Variants in DNAH9 observed in about 807,000 individuals in gnomAD.
DNAH9 encodes the protein dynein axonemal heavy chain 9.
In DNAH9, 345 loss-of-function variants were observed where a neutral mutation model predicts 471.6. The ratio of observed to expected loss-of-function variants is 0.73; its 90% CI spans 0.67 to 0.80. The LOEUF is 0.80. Ranked by LOEUF, DNAH9 falls within the 30% of genes least tolerant of loss-of-function variation. The probability of loss-of-function intolerance (pLI) is 0.00; values close to 1 mark genes in which losing one functional copy is unlikely to be tolerated. For missense variants in DNAH9, 5,407 were observed against 5,609.2 expected (o/e 0.96, Z 1.15); for synonymous variants, 2,093 against 2,123.6 (o/e 0.99, Z 0.40).
intron 67 of DNAH9, among the ~76,000 whole-genome samples, chr17:11,949,268 G>A (rs1975266367): frequency 6.6e-6 from 1 of 152,172 alleles, no homozygotes; most frequent in Non-Finnish European, 1.5e-5. Flanking sequence ...GAGTTTCATT[G>A]CAATGCCAAA....
intron 12 of DNAH9, among the ~76,000 whole-genome samples, chr17:11,648,095 G>A (rs1567689107): frequency 1.3e-5 from 2 of 152,264 alleles, no homozygotes; most frequent in Middle Eastern, 6.8e-3. Context: ...AAGGTTAGTT[G>A]GTTTCAAAAA....
At position 11,657,635 on chromosome 17, in the gene DNAH9, T is replaced by C. The variant is rs78742992; in HGVS notation, c.2595+4633T>C. ...CTATTTACTCCAAAGATTGCAAAGA[T>C]ATCTTTTATTTTTTTTCTTTTAGAA... is the stretch of plus-strand genomic sequence containing the variant. On this transcript the variant is annotated intron_variant, in intron 14 of 68. Transcript: ENST00000262442. 1.6e-4 allele frequency among the ~76,000 whole-genome samples: 25 copies of C among 152,174 alleles called. No homozygotes were observed. The East Asian group carries it at 4.6e-3, about 28-fold the overall frequency.
At chr17:11,887,996 T>TG (rs976306788) in intron 57 of DNAH9, among the ~76,000 whole-genome samples, 1 of 151,824 alleles carries the variant, frequency 6.6e-6, no homozygotes, top group Non-Finnish European at 1.5e-5. Context: ...TTGTTTTTTT[T>TG]TTTTGAGAGG....
chr17:11,889,438 C>T (rs2151002553), intron 57 of DNAH9, among the ~76,000 whole-genome samples: 1 of 152,320 alleles, frequency 6.6e-6, no homozygotes, highest in South Asian at 2.1e-4. Flanking sequence ...ATTGACAACA[C>T]TGAGCTCACA....
intron 58 of DNAH9, 36 bp from the exon 59 acceptor site, chr17:11,894,338 G>A (rs377621647): frequency 7.2e-5 from 116 of 1,608,686 alleles, no homozygotes; most frequent in Non-Finnish European, 9.1e-5. Flanking sequence ...CTGGCTACAA[G>A]CTAAAGAAAT....
At chr17:11,829,727 C>A (rs951620686) in intron 48 of DNAH9, among the ~76,000 whole-genome samples, 1 of 152,182 alleles carries the variant, frequency 6.6e-6, no homozygotes, top group Admixed American at 6.6e-5. Flanking sequence ...CCCGCCTGGG[C>A]CTTCCAAAGT....
intron 10 of DNAH9, among the ~76,000 whole-genome samples, chr17:11,644,381 C>G (rs183768024): frequency 6.6e-6 from 1 of 152,058 alleles, no homozygotes; most frequent in African/African-American, 2.4e-5. Flanking sequence ...GGTGAGGGTG[C>G]TGGTGGAGCT....
At position 11,652,797 on chromosome 17, in the gene DNAH9, T is replaced by C; in HGVS notation, c.2390T>C (p.Ile797Thr). 3 of 1,613,702 alleles carry C rather than the reference T, an allele frequency of 1.9e-6. No homozygotes were observed. The highest frequency in any genetic ancestry group is 2.2e-5 in the South Asian group (2 of 91,062). The change falls in exon 14 of 69, where the codon ATT becomes ACT. Residue 797 changes from isoleucine (I) to threonine (T), a missense_variant. This residue lies in a region of DNAH9 where 4,636 missense variants were observed against 4,900.3 expected (regional missense o/e 0.95). Transcript: ENST00000262442. ...TATGTCACTGAAATCACCAGTAGTA[T>C]TCATGATCTTGAACAAAGAATTCAG... ...CDYVTEITSS[I>T]HDLEQRIQKT...
At chr17:11,755,022 G>T (rs112605956) in intron 33 of DNAH9, among the ~76,000 whole-genome samples, 1 of 152,092 alleles carries the variant, frequency 6.6e-6, no homozygotes. Flanking sequence ...AAAGAAGGGC[G>T]CCAGTTTCAG....
chr17:11,735,758 TA>T (rs2075337136), intron 28 of DNAH9, among the ~76,000 whole-genome samples: 1 of 152,226 alleles, frequency 6.6e-6, no homozygotes, highest in Non-Finnish European at 1.5e-5. Flanking sequence ...TGTCTTTTCT[TA>T]TTTTGTGGAA....
Position 11,962,329 on chromosome 17 carries a change from G to C in DNAH9, c.13233+73G>C. ...ATACACATTGCTTCCTATGAAGTGT[G>C]ACTACTAAAAGAGATATTCCTGAAT... On this transcript the variant is annotated intron_variant, in intron 68 of 68. Transcript: ENST00000262442. This position sits in a 1 kb window ranked among gnomAD's most constrained non-coding sequence, Gnocchi z 4.1. The C allele has an allele frequency of 1.3e-5, 20 of 1,501,066 alleles. No homozygotes were observed. The highest frequency in any genetic ancestry group is 1.6e-5 in the Non-Finnish European group (18 of 1,131,710). 93.0% of individuals were successfully genotyped at this position (1,501,066 alleles called of 1,614,324 possible). A position where few individuals can be genotyped will look rare whatever the true frequency, so the allele number is the denominator to read the frequency against.
rs778494862 is a variant in DNAH9, at chr17:11,769,312, C to T, written c.7535C>T (p.Thr2512Met). ...AACGTGCCATTCAACTACTACACCA[C>T]GTCAGCAATGCTGCAGGGTAAGCAG... ...VKNVPFNYYT[T>M]SAMLQAVLEK... Residue 2512 changes from threonine to methionine, a missense_variant, in exon 38 of 69, where the codon ACG (threonine) becomes ATG (methionine). By Grantham distance (81) the Thr-to-Met change is moderately conservative (BLOSUM62 -1). This residue lies in a region of DNAH9 where 4,636 missense variants were observed against 4,900.3 expected (regional missense o/e 0.95). Transcript: ENST00000262442. The T allele has an allele frequency of 1.1e-5, 18 of 1,612,820 alleles. No homozygotes were observed. Among genetic ancestry groups the T allele is most frequent in the African/African-American group, 8.0e-5 (6 of 74,888 alleles).
At chr17:11,742,088 A>G in intron 29 of DNAH9, 87 bp from the exon 30 acceptor site, 1 of 1,251,884 alleles carries the variant, frequency 8.0e-7, no homozygotes, top group Non-Finnish European at 1.1e-6. Context: ...TCCATGTGTG[A>G]TCTCGGCCAG....
chr17:11,811,374 C>G (rs1007264199), intron 45 of DNAH9, among the ~76,000 whole-genome samples: 3 of 152,082 alleles, frequency 2.0e-5, no homozygotes, highest in African/African-American at 2.4e-5. Context: ...GAGAAGAGAT[C>G]AGTATGCTGG....
chr17:11,946,663 C>CAAA lies in DNAH9; in HGVS notation c.12843+4193_12843+4195dup, dbSNP rs754149437. Reference sequence around the variant, plus strand: ...TGGGCCACAGAGCAAGACTCCATCTCAAAAAAAAAAAAAAAAAGAAAAAGA... The same window carrying CAAA: ...TGGGCCACAGAGCAAGACTCCATCTCAAAAAAAAAAAAAAAAAAAAGAAAAAGA... On this transcript the variant is annotated intron_variant, in intron 67 of 68. Coordinates refer to ENST00000262442, the MANE Select transcript of DNAH9 (RefSeq NM_001372.4). Among the ~76,000 whole-genome samples the CAAA allele has an allele frequency of 2.0e-3, 138 of 67,776 alleles. 3 individuals carry two copies. Among genetic ancestry groups the CAAA allele is most frequent in the South Asian group, 5.5e-3 (10 of 1,826 alleles). The allele number at this position is 67,776 out of a possible 152,430, so 44.5% of individuals were successfully genotyped here.
intron 19 of DNAH9, among the ~76,000 whole-genome samples, chr17:11,684,253 A>G (rs1268864909): frequency 1.3e-5 from 2 of 152,184 alleles, no homozygotes; most frequent in East Asian, 3.9e-4. Context: ...AGAGAAAAAA[A>G]ACCTGAGTGT....
rs1973322051 is a variant in DNAH9 at position 11,899,196 on chromosome 17, T to TAAAAA, written c.11407-3523_11407-3522insAAAAA. Among the ~76,000 whole-genome samples, 5 of 115,452 alleles carry TAAAAA rather than the reference T, an allele frequency of 4.3e-5. No homozygotes were observed. The Admixed American group carries it at 4.6e-4, about 11-fold the overall frequency. The allele number at this position is 115,452 out of a possible 152,430, so 75.7% of individuals were successfully genotyped here. A position where few individuals can be genotyped will look rare whatever the true frequency, so the allele number is the denominator to read the frequency against. On this transcript the variant is annotated intron_variant, in intron 59 of 68. Coordinates refer to ENST00000262442, the MANE Select transcript of DNAH9 (RefSeq NM_001372.4). ...GACATGATTTTTTAAAAAAAAAAAT[T>TAAAAA]TAAGCATTGTATCTCGTGATGAAGA... is the stretch of plus-strand genomic sequence containing the variant.
At chr17:11,719,305 G>C (rs1215938082) in intron 26 of DNAH9, 29 bp from the exon 27 acceptor site, 1 of 1,609,278 alleles carries the variant, frequency 6.2e-7, no homozygotes, top group Non-Finnish European at 8.5e-7. Context: ...CCCCAAGAAT[G>C]ATGACCTATG....
In DNAH9 at chr17:11,937,403, C is replaced by G. The variant is rs747549679; in HGVS notation, c.12541C>G (p.Pro4181Ala). The G allele has an allele frequency of 6.2e-7, 1 of 1,614,058 alleles. No homozygotes were observed. ...ATCCCCCTACCTCTATGGCCTCCAC[C>G]CGAACGCAGAGATTGGCTTCCTGAC... Reference protein sequence around the residue: ...PESPYLYGLHPNAEIGFLTQT... With the variant: ...PESPYLYGLHANAEIGFLTQT... The change falls in exon 66 of 69, where the codon CCG (proline) becomes GCG (alanine). Residue 4181 changes from proline (P) to alanine (A), a missense_variant. By Grantham distance (27) the Pro-to-Ala change is conservative. Coordinates refer to ENST00000262442, the MANE Select transcript of DNAH9 (RefSeq NM_001372.4). The surrounding 1 kb of genome is among the most constrained non-coding windows in gnomAD (Gnocchi z 4.1).
Sources: gnomAD v4.1 joint callset for allele counts (sites outside exome capture counted in the v4.1 genomes callset) on GRCh38, gnomAD v4.1.1 for gene constraint, gnomAD v4.1.1 regional missense constraint, Gnocchi (gnomAD v3.1) non-coding constraint, MANE v1.5 for transcripts, NCBI Gene and HGNC (gene_info 2026-07-23, HGNC 2026-07-21) for gene names.